CA5A: variants seen among roughly 807,000 people sequenced by gnomAD.
CA5A encodes the protein carbonic anhydrase 5A.
CA5A carries 28 observed loss-of-function variants against 37.1 expected under a neutral mutation model. The ratio of observed to expected loss-of-function variants is 0.75; its 90% CI spans 0.56 to 1.03. The LOEUF is 1.03. CA5A is among the 50% of genes least tolerant of loss of function. The pLI, the probability that CA5A is intolerant of heterozygous loss-of-function variation, is 0.00. For missense variants in CA5A, 444 were observed against 399.9 expected, an observed-to-expected ratio of 1.11 and a Z score of -0.94; for synonymous variants, 171 against 158.4, an observed-to-expected ratio of 1.08 and a Z score of -0.60.
At chr16:87,886,074 G>A (rs2055645282), downstream of CA5A, 1 of 151,344 alleles carries the variant, frequency 6.6e-6, no homozygotes, top group Non-Finnish European at 1.5e-5. Flanking sequence ...TGAGCTTGCC[G>A]AGAGAGACAA....
At chr16:87,903,395 C>T (rs1053030983) in intron 3 of CA5A, among the ~76,000 whole-genome samples, 4 of 151,198 alleles carry the variant, frequency 2.6e-5, no homozygotes, top group African/African-American at 4.9e-5. Context: ...CGTGAGATAG[C>T]GCCACTGCAC....
intron 2 of CA5A, chr16:87,924,092 C>T: frequency 1.2e-5 from 12 of 985,402 alleles, no homozygotes; most frequent in Non-Finnish European, 1.4e-5. Context: ...ATCCCTGCTC[C>T]CTGGTCCCCG....
intron 2 of CA5A, among the ~76,000 whole-genome samples, chr16:87,905,173 G>T (rs895199863): frequency 9.2e-5 from 14 of 152,054 alleles, no homozygotes; most frequent in African/African-American, 3.1e-4. Flanking sequence ...GGGTGGTGGT[G>T]AGGGCCTCAA....
intron 1 of CA5A, among the ~76,000 whole-genome samples, chr16:87,931,224 G>C (rs1332661307): frequency 1.3e-5 from 2 of 150,674 alleles, no homozygotes; most frequent in African/African-American, 4.9e-5. Flanking sequence ...TGATTCTCCT[G>C]CCTCAGTCTC....
chr16:87,929,894 A>AAAAAAAAAAG (rs2056378355), intron 1 of CA5A, among the ~76,000 whole-genome samples: 1 of 151,444 alleles, frequency 6.6e-6, no homozygotes, highest in African/African-American at 2.4e-5. Flanking sequence ...AAAAAAAAAA[A>AAAAAAAAAAG]AATAAGTAAA....
chr16:87,915,101 G>C (rs537646386), intron 2 of CA5A, among the ~76,000 whole-genome samples: 2 of 152,188 alleles, frequency 1.3e-5, no homozygotes, highest in South Asian at 2.1e-4. Flanking sequence ...ACCGAATGAG[G>C]CTCGATGAAA....
intron 1 of CA5A, among the ~76,000 whole-genome samples, chr16:87,928,571 GA>G (rs1011816331): frequency 6.6e-6 from 1 of 151,780 alleles, no homozygotes; most frequent in Non-Finnish European, 1.5e-5. Flanking sequence ...CTCATTTTGT[GA>G]AAAAAATATA....
intron 2 of CA5A, among the ~76,000 whole-genome samples, chr16:87,912,504 A>G (rs551835565): frequency 6.6e-6 from 1 of 152,352 alleles, no homozygotes; most frequent in African/African-American, 2.4e-5. Flanking sequence ...CAAGCATAAA[A>G]GAAGAAAAGT....
downstream of CA5A, chr16:87,885,897 A>G (rs534753600): frequency 6.6e-6 from 1 of 152,184 alleles, no homozygotes; most frequent in South Asian, 2.1e-4. Context: ...ACCTCCTTCC[A>G]TCAGAATGTG....
At chr16:87,935,098 C>G (rs1366413180) in intron 1 of CA5A, among the ~76,000 whole-genome samples, 1 of 152,214 alleles carries the variant, frequency 6.6e-6, no homozygotes, top group African/African-American at 2.4e-5. Context: ...GAAGACCTGC[C>G]GAGGCTCCAC....
chr16:87,918,659 T>C (rs187599654), intron 2 of CA5A, among the ~76,000 whole-genome samples: 1 of 152,216 alleles, frequency 6.6e-6, no homozygotes, highest in African/African-American at 2.4e-5. Context: ...CTCTGCACCT[T>C]GTCCGCTCCC....
Position 87,921,874 on chromosome 16 carries a change from TATTA to T in CA5A, c.340+4870_340+4873del, listed in dbSNP as rs1262666087. Among the ~76,000 whole-genome samples the T allele has an allele frequency of 7.3e-3, 818 of 111,822 alleles. 10 individuals are homozygous for T. Among genetic ancestry groups the T allele is most frequent in the African/African-American group, 0.026 (787 of 30,764 alleles). The allele number at this position is 111,822 out of a possible 152,430, so 73.4% of individuals were successfully genotyped here. On this transcript the variant is annotated intron_variant, in intron 2 of 6. Transcript: ENST00000649794. Reference sequence around the variant, plus strand: ...TGTGTGTTATTGTTATTATTATTATTATTATTTTTGAGAGACAGGATCTCGCTGT... The same window carrying T: ...TGTGTGTTATTGTTATTATTATTATTTTTTTGAGAGACAGGATCTCGCTGT...
intron 5 of CA5A, among the ~76,000 whole-genome samples, chr16:87,894,012 G>C (rs1163972442): frequency 2.6e-5 from 4 of 152,218 alleles, no homozygotes; most frequent in Non-Finnish European, 5.9e-5. Flanking sequence ...TCCTGCCTTG[G>C]CTTCTCAAAA....
At chr16:87,934,154 C>T (rs887183768) in intron 1 of CA5A, among the ~76,000 whole-genome samples, 10 of 152,274 alleles carry the variant, frequency 6.6e-5, no homozygotes, top group African/African-American at 2.4e-4. Context: ...GAGCCATGTG[C>T]TGTCCCCAGC....
chr16:87,918,551 C>T (rs750381649), intron 2 of CA5A, among the ~76,000 whole-genome samples: 11 of 152,204 alleles, frequency 7.2e-5, no homozygotes, highest in South Asian at 2.1e-4. Flanking sequence ...GCAGTGTCCA[C>T]GCCGACGGAA....
In CA5A at chr16:87,922,619, T is replaced by G. The variant is rs114043800; in HGVS notation, c.340+4129A>C. Among the ~76,000 whole-genome samples the G allele has an allele frequency of 1.7e-3, 263 of 152,322 alleles. 2 individuals are homozygous for G. Among genetic ancestry groups the G allele is most frequent in the African/African-American group, 6.3e-3 (260 of 41,548 alleles). ...GAGGGACGGGCCTCCCGTGCCGACC[T>G]CAAGGCCCACTGGACACAGCCTCCG... On this transcript the variant is annotated intron_variant, in intron 2 of 6. Coordinates refer to ENST00000649794, the MANE Select transcript of CA5A (RefSeq NM_001739.2).
intron 2 of CA5A, chr16:87,925,540 G>A (rs1174619058): frequency 6.6e-6 from 1 of 152,342 alleles, no homozygotes. Flanking sequence ...CGCAGCAGGA[G>A]GGAGAGCAGG....
chr16:87,910,718 C>A (rs926368441), intron 2 of CA5A, among the ~76,000 whole-genome samples: 1 of 152,068 alleles, frequency 6.6e-6, no homozygotes, highest in African/African-American at 2.4e-5. Context: ...GCTGGGACTA[C>A]AGACATGTGT....
At chr16:87,930,492 C>T (rs1219397436) in intron 1 of CA5A, among the ~76,000 whole-genome samples, 1 of 152,122 alleles carries the variant, frequency 6.6e-6, no homozygotes, top group Non-Finnish European at 1.5e-5. Context: ...GAACCTGAGG[C>T]CTGAATCCCA....
Sources: gnomAD v4.1 joint callset for allele counts (sites outside exome capture counted in the v4.1 genomes callset) on GRCh38, gnomAD v4.1.1 for gene constraint, MANE v1.5 for transcripts, NCBI Gene and HGNC (gene_info 2026-07-23, HGNC 2026-07-21) for gene names.